The following RUNX1 variants were observed in gnomAD, a reference collection of about 807,000 sequenced individuals.
The protein encoded by RUNX1 is runt-related transcription factor 1.
In RUNX1, 19 loss-of-function variants were observed where a neutral mutation model predicts 42.8. The observed-to-expected ratio is 0.44, with a 90% CI of 0.31 to 0.65. The LOEUF (loss-of-function observed/expected upper bound fraction) is 0.65, where lower values mean the gene tolerates loss of function less well. RUNX1 is among the 30% of genes least tolerant of loss of function. The pLI is 0.07. For synonymous variants in RUNX1, 271 were observed against 289.4 expected (o/e 0.94, Z 0.64); for missense variants, 528 against 672.0 (o/e 0.79, Z 2.37).
chr21:34,932,056 T>C (rs1227431794), intron 2 of RUNX1, among the ~76,000 whole-genome samples: 1 of 152,154 alleles, frequency 6.6e-6, no homozygotes, highest in East Asian at 1.9e-4. Context: ...GTAAGGACAG[T>C]GCAGATGTGG....
At chr21:34,871,810 C>CTT (rs1417198743) in intron 5 of RUNX1, among the ~76,000 whole-genome samples, 5 of 151,100 alleles carry the variant, frequency 3.3e-5, no homozygotes, top group African/African-American at 1.2e-4. Flanking sequence ...TGGGAGTTGT[C>CTT]TGTCAGTGAC....
At chr21:35,048,803 T>C (rs1452646419) in intron 2 of RUNX1, 39 bp downstream of exon 2, 1 of 1,569,814 alleles carries the variant, frequency 6.4e-7, no homozygotes, top group African/African-American at 1.3e-5. Context: ...CAGGCAAAGC[T>C]GAGCAAAAGT....
rs368200064 is a variant in RUNX1 at position 34,943,790 on chromosome 21, C to T, written c.59-50827G>A. ...TTGTGGGGAGAAAATTTGGAACCCTCGCAAATCCTCCTACACAAATGTTGA... is the reference window on the plus strand; with the variant it reads ...TTGTGGGGAGAAAATTTGGAACCCTTGCAAATCCTCCTACACAAATGTTGA... On this transcript the variant is annotated intron_variant, in intron 2 of 8. Coordinates refer to ENST00000675419, the MANE Select transcript of RUNX1 (RefSeq NM_001754.5). 2.0e-4 allele frequency among the ~76,000 whole-genome samples: 30 copies of T among 152,220 alleles called. No individual in the cohort carries two copies. The South Asian group carries it at 6.2e-3, about 32-fold the overall frequency.
chr21:35,009,073 T>C (rs914418725), intron 2 of RUNX1, among the ~76,000 whole-genome samples: 5 of 152,204 alleles, frequency 3.3e-5, no homozygotes, highest in African/African-American at 9.6e-5. Flanking sequence ...AATTTAGAAC[T>C]GCGTCAAAAG....
chr21:34,795,282 T>C (rs2056509946), intron 8 of RUNX1, among the ~76,000 whole-genome samples: 2 of 152,170 alleles, frequency 1.3e-5, no homozygotes. Context: ...GTTGATCAAC[T>C]TCCTCATATT....
chr21:35,018,495 C>T (rs2059175589), intron 2 of RUNX1, among the ~76,000 whole-genome samples: 1 of 152,136 alleles, frequency 6.6e-6, no homozygotes, highest in African/African-American at 2.4e-5. Flanking sequence ...GTCCTCCAGT[C>T]GGTGGTACTT....
chr21:34,915,203 A>G (rs1193952343), intron 2 of RUNX1, among the ~76,000 whole-genome samples: 1 of 152,200 alleles, frequency 6.6e-6, no homozygotes, highest in Non-Finnish European at 1.5e-5. Context: ...AGTGTTTAAA[A>G]ACCTTAACAT....
intron 2 of RUNX1, among the ~76,000 whole-genome samples, chr21:34,902,553 T>G (rs2058185764): frequency 6.6e-6 from 1 of 152,232 alleles, no homozygotes; most frequent in Non-Finnish European, 1.5e-5. Flanking sequence ...AAATATATTA[T>G]CTTCAAATGA....
intron 2 of RUNX1, among the ~76,000 whole-genome samples, chr21:35,005,725 A>G (rs1337143786): frequency 6.6e-6 from 1 of 152,130 alleles, no homozygotes; most frequent in Non-Finnish European, 1.5e-5. Flanking sequence ...AATGCTGTAC[A>G]TGGAGGAAGA....
chr21:34,836,418 T>G (rs1569039302), intron 6 of RUNX1, among the ~76,000 whole-genome samples: 1 of 152,364 alleles, frequency 6.6e-6, no homozygotes, highest in East Asian at 1.9e-4. Flanking sequence ...TGTGACTCAG[T>G]GCCTCTGGAT....
At chr21:34,982,623 G>GT (rs1399755742) in intron 2 of RUNX1, among the ~76,000 whole-genome samples, 1 of 152,312 alleles carries the variant, frequency 6.6e-6, no homozygotes, top group Non-Finnish European at 1.5e-5. Flanking sequence ...AGGCTGGAGT[G>GT]TAGTGGCGCG....
At chr21:34,994,100 GAGA>G (rs1361877576) in intron 2 of RUNX1, among the ~76,000 whole-genome samples, 7 of 152,194 alleles carry the variant, frequency 4.6e-5, no homozygotes, top group East Asian at 1.9e-4. Context: ...TTAGTGAATG[GAGA>G]AGGAGAAAGT....
At chr21:34,925,353 C>T (rs1397105530) in intron 2 of RUNX1, among the ~76,000 whole-genome samples, 2 of 152,098 alleles carry the variant, frequency 1.3e-5, no homozygotes, top group African/African-American at 2.4e-5. Context: ...TGAATGTGAC[C>T]ATTTTTGAAA....
chr21:34,851,222 C>T (rs367942765), intron 6 of RUNX1, among the ~76,000 whole-genome samples: 3 of 152,220 alleles, frequency 2.0e-5, no homozygotes, highest in South Asian at 2.1e-4. Context: ...AAAAAAACGA[C>T]GTCTATCTCA....
At chr21:35,010,732 C>T (rs2059120709) in intron 2 of RUNX1, among the ~76,000 whole-genome samples, 1 of 152,112 alleles carries the variant, frequency 6.6e-6, no homozygotes, top group Non-Finnish European at 1.5e-5. Flanking sequence ...TGCCAGCACT[C>T]ATGTAATTTT....
At chr21:34,842,716 T>TACAC (rs747242558) in intron 6 of RUNX1, among the ~76,000 whole-genome samples, 10 of 151,570 alleles carry the variant, frequency 6.6e-5, no homozygotes, top group African/African-American at 2.4e-4. Flanking sequence ...TGCACACACA[T>TACAC]ACACACATAC....
Position 34,788,553 on chromosome 21 carries a change from C to T in RUNX1, c.*3582G>A, listed in dbSNP as rs193254325. 38 of 232,420 alleles carry T rather than the reference C, an allele frequency of 1.6e-4. No individual in the cohort carries two copies. Among genetic ancestry groups the T allele is most frequent in the Admixed American group, 1.3e-3 (23 of 17,732 alleles). The allele number at this position is 232,420 out of a possible 1,614,324, so 14.4% of individuals were successfully genotyped here. On this transcript the variant is annotated 3_prime_UTR_variant, in exon 9 of 9. Coordinates refer to ENST00000675419, the MANE Select transcript of RUNX1 (RefSeq NM_001754.5). ...AAGAAAAAGTCCTTAGAAACACACA[C>T]AAAAAAATTGAAAAAAAGTTATAGG... is the stretch of plus-strand genomic sequence containing the variant.
chr21:34,952,736 T>C (rs1355395109), intron 2 of RUNX1, among the ~76,000 whole-genome samples: 2 of 152,234 alleles, frequency 1.3e-5, no homozygotes, highest in Non-Finnish European at 2.9e-5. Flanking sequence ...TCTGTGCAGC[T>C]GCTCTTTCTT....
intron 3 of RUNX1, among the ~76,000 whole-genome samples, chr21:34,891,503 G>A (rs1435506593): frequency 3.9e-5 from 6 of 152,132 alleles, no homozygotes; most frequent in Non-Finnish European, 8.8e-5. Context: ...AGTCGGCCGG[G>A]CATTTTACGG....
Sources: gnomAD v4.1 joint callset for allele counts (sites outside exome capture counted in the v4.1 genomes callset) on GRCh38, gnomAD v4.1.1 for gene constraint, MANE v1.5 for transcripts, NCBI Gene and HGNC (gene_info 2026-07-23, HGNC 2026-07-21) for gene names.